The following GPC6 variants were observed in gnomAD, a reference collection of about 807,000 sequenced individuals.
GPC6 encodes glypican-6.
In GPC6, 14 loss-of-function variants were observed where a neutral mutation model predicts 55.2. The observed-to-expected ratio is 0.25, with a 90% confidence interval of 0.17 to 0.40. The LOEUF is 0.40. GPC6 is among the 10% of genes least tolerant of loss of function. GPC6 has a pLI of 1.00. For missense variants in GPC6, 641 were observed against 708.5 expected, an observed-to-expected ratio of 0.90 and a Z score of 1.08; for synonymous variants, 278 against 259.6, an observed-to-expected ratio of 1.07 and a Z score of -0.68.
intron 2 of GPC6, among the ~76,000 whole-genome samples, chr13:93,619,513 C>A (rs1364987915): frequency 6.6e-6 from 1 of 152,050 alleles, no homozygotes; most frequent in Non-Finnish European, 1.5e-5. Flanking sequence ...AGTTCAGTGG[C>A]GTGATCATAA....
At chr13:93,683,843 T>C (rs1010225372) in intron 2 of GPC6, among the ~76,000 whole-genome samples, 5 of 152,142 alleles carry the variant, frequency 3.3e-5, no homozygotes, top group Non-Finnish European at 5.9e-5. Flanking sequence ...CAGAAACTTA[T>C]GTCTCACAGT....
In GPC6 at chr13:93,780,654, T is replaced by G. The variant is rs918108593; in HGVS notation, c.320-49500T>G. Among the ~76,000 whole-genome samples the G allele has an allele frequency of 8.6e-5, 13 of 151,438 alleles. 1 individual carries two copies. The South Asian group carries it at 2.7e-3, about 32-fold the overall frequency. On this transcript the variant is annotated intron_variant, in intron 2 of 8. Transcript: ENST00000377047. Reference sequence around the variant, plus strand: ...ACAAAATAAAATTTTAAGATGTAACTTCTATGCTTATCTAAGGTTACTCCT... The same window carrying G: ...ACAAAATAAAATTTTAAGATGTAACGTCTATGCTTATCTAAGGTTACTCCT...
At chr13:93,767,389 T>C (rs985905150) in intron 2 of GPC6, among the ~76,000 whole-genome samples, 1 of 152,196 alleles carries the variant, frequency 6.6e-6, no homozygotes, top group African/African-American at 2.4e-5. Flanking sequence ...CTTGAGAGTA[T>C]ATTTTTCGGT....
chr13:93,294,973 A>G (rs1010932414), intron 1 of GPC6, among the ~76,000 whole-genome samples: 1 of 151,746 alleles, frequency 6.6e-6, no homozygotes, highest in African/African-American at 2.4e-5. Flanking sequence ...TCAGGTTGCT[A>G]TAGAAAAAAA....
chr13:93,780,844 ATTTTATT>A (rs1249161590), intron 2 of GPC6, among the ~76,000 whole-genome samples: 2 of 152,158 alleles, frequency 1.3e-5, no homozygotes, highest in East Asian at 3.9e-4. Context: ...AAAATGACTG[ATTTTATT>A]TTTAATTTCT....
intron 3 of GPC6, among the ~76,000 whole-genome samples, chr13:93,907,807 T>C (rs1449171892): frequency 6.6e-6 from 1 of 152,166 alleles, no homozygotes; most frequent in African/African-American, 2.4e-5. Flanking sequence ...TTTAATCATA[T>C]TAGTTATACA....
intron 2 of GPC6, among the ~76,000 whole-genome samples, chr13:93,807,960 A>G (rs185069266): frequency 9.8e-5 from 15 of 152,286 alleles, no homozygotes; most frequent in African/African-American, 3.6e-4. Flanking sequence ...AGGAATTATA[A>G]TTTTGTTTTA....
At chr13:93,691,479 G>T (rs1327963707) in intron 2 of GPC6, among the ~76,000 whole-genome samples, 7 of 147,828 alleles carry the variant, frequency 4.7e-5, no homozygotes, top group African/African-American at 9.9e-5. Flanking sequence ...GCTTGCCATG[G>T]TTTTTTTTTT....
At chr13:94,193,215 A>G (rs1338445895) in intron 4 of GPC6, among the ~76,000 whole-genome samples, 5 of 152,256 alleles carry the variant, frequency 3.3e-5, no homozygotes, top group African/African-American at 1.2e-4. Context: ...ACTGTTTCCT[A>G]ATAGTTTGTA....
In GPC6 at chr13:93,744,528, CTTT is replaced by C. The variant is rs71736430; in HGVS notation, c.320-85602_320-85600del. Among the ~76,000 whole-genome samples the C allele has an allele frequency of 2.6e-3, 253 of 97,208 alleles. 3 individuals are homozygous for C. Among genetic ancestry groups the C allele is most frequent in the African/African-American group, 9.8e-3 (219 of 22,388 alleles). 63.8% of individuals were successfully genotyped at this position (97,208 alleles called of 152,430 possible). A position where few individuals can be genotyped will look rare whatever the true frequency, so the allele number is the denominator to read the frequency against. ...TTCCTCCAAACCTGCTTTCCCTAGT[CTTT>C]TTTTTTTTTTTTTTTTTTTTTTTAC... On this transcript the variant is annotated intron_variant, in intron 2 of 8. Coordinates refer to ENST00000377047, the MANE Select transcript of GPC6 (RefSeq NM_005708.5).
intron 2 of GPC6, among the ~76,000 whole-genome samples, chr13:93,674,398 G>A (rs1304038939): frequency 6.6e-6 from 1 of 152,088 alleles, no homozygotes; most frequent in Non-Finnish European, 1.5e-5. Context: ...TTTGACTTTA[G>A]TTTTTGTTAA....
chr13:93,714,640 G>C (rs1883188629), intron 2 of GPC6, among the ~76,000 whole-genome samples: 1 of 151,546 alleles, frequency 6.6e-6, no homozygotes, highest in African/African-American at 2.4e-5. Flanking sequence ...GGTCCTTGAG[G>C]GGGTCATGGG....
chr13:93,695,548 A>G (rs892856446), intron 2 of GPC6, among the ~76,000 whole-genome samples: 3 of 152,058 alleles, frequency 2.0e-5, no homozygotes, highest in Non-Finnish European at 4.4e-5. Context: ...TTATAAATAC[A>G]CTTTTGTTTT....
intron 1 of GPC6, among the ~76,000 whole-genome samples, chr13:93,445,176 C>T (rs1164218437): frequency 6.6e-6 from 1 of 152,118 alleles, no homozygotes; most frequent in African/African-American, 2.4e-5. Flanking sequence ...ATATACTGTA[C>T]CAACGTCTGG....
intron 2 of GPC6, among the ~76,000 whole-genome samples, chr13:93,725,125 T>G (rs1191580364): frequency 6.6e-6 from 1 of 152,084 alleles, no homozygotes; most frequent in African/African-American, 2.4e-5. Flanking sequence ...GACTTTAAGT[T>G]ATAAAATTAC....
At chr13:93,668,430 C>T (rs934403233) in intron 2 of GPC6, among the ~76,000 whole-genome samples, 1 of 152,146 alleles carries the variant, frequency 6.6e-6, no homozygotes, top group African/African-American at 2.4e-5. Context: ...GTTGAATGGA[C>T]GCATGTCCCT....
chr13:94,101,371 G>A (rs987722396), intron 4 of GPC6, among the ~76,000 whole-genome samples: 1 of 152,138 alleles, frequency 6.6e-6, no homozygotes, highest in East Asian at 1.9e-4. Context: ...AAGCCTCTCT[G>A]AAAATCACCA....
chr13:94,035,189 G>A (rs557341155), intron 4 of GPC6, among the ~76,000 whole-genome samples: 1 of 151,962 alleles, frequency 6.6e-6, no homozygotes, highest in South Asian at 2.1e-4. Context: ...ATTGACATTT[G>A]ACTTTAATAA....
At chr13:93,521,452 G>C (rs933913817) in intron 1 of GPC6, among the ~76,000 whole-genome samples, 1 of 151,902 alleles carries the variant, frequency 6.6e-6, no homozygotes, top group Admixed American at 6.6e-5. Context: ...TACTATTCTG[G>C]ACCTATTAAT....
Sources: allele counts gnomAD v4.1 joint callset (sites outside exome capture counted in the v4.1 genomes callset), GRCh38; gene constraint gnomAD v4.1.1; transcripts MANE v1.5; gene names NCBI Gene and HGNC (gene_info 2026-07-23, HGNC 2026-07-21).